Variants in RP1 observed in about 807,000 individuals in gnomAD.
RP1 encodes RP1 axonemal microtubule associated.
Under a neutral mutation model 14.8 loss-of-function variants are expected in RP1, and 16 were observed. That is an observed-to-expected ratio of 1.08 (90% CI 0.73 to 1.65). The LOEUF is 1.65. Ranked by LOEUF, RP1 falls within the 40% of genes most tolerant of loss-of-function variation. The pLI is 0.00. For synonymous variants in RP1, 876 were observed against 883.6 expected, an observed-to-expected ratio of 0.99 and a Z score of 0.15; for missense variants, 2,631 against 2,535.0, an observed-to-expected ratio of 1.04 and a Z score of -0.81.
chr8:54,602,390 T>C (rs1805313794), intron 1 of RP1, among the ~76,000 whole-genome samples: 1 of 152,240 alleles, frequency 6.6e-6, no homozygotes, highest in African/African-American at 2.4e-5. Flanking sequence ...GGCTGCATAG[T>C]ATTCCAAGGT....
chr8:54,701,402 C>CATAT, intron 13 of RP1: 1 of 1,100,820 alleles, frequency 9.1e-7, no homozygotes, highest in Non-Finnish European at 1.2e-6. Context: ...ATGAAGTAGA[C>CATAT]ACCTGTATAT....
intron 15 of RP1, among the ~76,000 whole-genome samples, chr8:54,710,918 C>A (rs1008927024): frequency 6.6e-6 from 1 of 152,134 alleles, no homozygotes; most frequent in Non-Finnish European, 1.5e-5. Flanking sequence ...CAGGAGAGAG[C>A]CGACACACAA....
At chr8:54,701,438 T>TG (rs1304832781) in intron 13 of RP1, 1 of 1,465,948 alleles carries the variant, frequency 6.8e-7, no homozygotes, top group East Asian at 2.5e-5. Flanking sequence ...ACATTAAATT[T>TG]TTTTTTTCTG....
At chr8:54,666,870 G>T (rs1807030332) in intron 7 of RP1, among the ~76,000 whole-genome samples, 1 of 152,034 alleles carries the variant, frequency 6.6e-6, no homozygotes, top group African/African-American at 2.4e-5. Flanking sequence ...GGCAGTTGAT[G>T]TAGGAGCCAA....
chr8:54,715,843 T>G, intron 15 of RP1, among the ~76,000 whole-genome samples: 1 of 152,158 alleles, frequency 6.6e-6, no homozygotes, highest in East Asian at 1.9e-4. Context: ...TACTAAGACA[T>G]GCTCCCTGCT....
intron 8 of RP1, among the ~76,000 whole-genome samples, chr8:54,678,196 A>G (rs1807340256): frequency 6.6e-6 from 1 of 152,142 alleles, no homozygotes; most frequent in African/African-American, 2.4e-5. Context: ...GAATTGTTCT[A>G]TTTTCAATTG....
In RP1 at chr8:54,587,132, G is replaced by A. The variant is rs557782856; in HGVS notation, c.-13+27812G>A. ...GGAGCTGTTCCTATTCGGCCATCTT[G>A]TCTCCACCCCTCAGGACTTGAATTC... On this transcript the variant is annotated intron_variant, in intron 1 of 22. Coordinates refer to the RP1 transcript ENST00000636932. 1.2e-3 allele frequency among the ~76,000 whole-genome samples: 187 copies of A among 152,326 alleles called. 2 individuals carry two copies. The highest frequency in any genetic ancestry group is 2.4e-3 in the Non-Finnish European group (166 of 68,038).
chr8:54,717,681 A>G (rs1251791986), intron 15 of RP1, among the ~76,000 whole-genome samples: 1 of 152,158 alleles, frequency 6.6e-6, no homozygotes, highest in Non-Finnish European at 1.5e-5. Context: ...TTTCTTTAAG[A>G]TCAAGAACAA....
chr8:54,840,786 T>C (rs553897692), intron 25 of RP1, among the ~76,000 whole-genome samples: 1 of 152,208 alleles, frequency 6.6e-6, no homozygotes, highest in East Asian at 1.9e-4. Context: ...CTTTATCCAT[T>C]AGCATTTCCC....
intron 1 of RP1, among the ~76,000 whole-genome samples, chr8:54,601,740 A>G (rs191722785): frequency 3.6e-4 from 55 of 152,328 alleles, no homozygotes; most frequent in Admixed American, 1.2e-3. Context: ...ACAATAAAAT[A>G]TTTGAAAATA....
intron 7 of RP1, among the ~76,000 whole-genome samples, chr8:54,670,451 A>C (rs1807128698): frequency 6.7e-6 from 1 of 148,366 alleles, no homozygotes; most frequent in Non-Finnish European, 1.5e-5. Context: ...GGATACATAC[A>C]TATACACGTA....
chr8:54,625,545 C>A lies in RP1; in HGVS notation c.1663C>A (p.Gln555Lys). ...ISAGVIEITSQKMLEMSHNNG... is the reference protein window; with the variant it reads ...ISAGVIEITSKKMLEMSHNNG... ...TGCTGGTGTTATAGAAATTACAAGT[C>A]AGAAGATGTTAGAGATGTCACATAA... Residue 555 changes from glutamine to lysine, a missense_variant, in exon 4 of 4, where the codon CAG (glutamine) becomes AAG (lysine). Coordinates refer to ENST00000220676, the MANE Select transcript of RP1 (RefSeq NM_006269.2). 1 of 1,613,964 alleles carries A rather than the reference C, an allele frequency of 6.2e-7. No homozygotes were observed. The highest frequency in any genetic ancestry group is 1.1e-5 in the South Asian group (1 of 91,034).
chr8:54,823,365 C>T (rs1392290111), intron 24 of RP1, among the ~76,000 whole-genome samples: 1 of 152,188 alleles, frequency 6.6e-6, no homozygotes, highest in Non-Finnish European at 1.5e-5. Flanking sequence ...GAGTCTCCCT[C>T]TGTTGCCCAG....
intron 12 of RP1, among the ~76,000 whole-genome samples, chr8:54,691,389 G>T (rs997164276): frequency 1.1e-4 from 17 of 152,024 alleles, no homozygotes; most frequent in African/African-American, 3.9e-4. Context: ...ACTAACTGAA[G>T]AAATAAATCT....
At position 54,844,824 on chromosome 8, in the gene RP1, T is replaced by C. The variant is rs138989436; in HGVS notation, c.3835+7155T>C. Among the ~76,000 whole-genome samples the C allele has an allele frequency of 4.6e-4, 70 of 152,262 alleles. 1 individual carries two copies. The East Asian group carries it at 0.012, about 25-fold the overall frequency. On this transcript the variant is annotated intron_variant, in intron 25 of 28. Coordinates refer to the RP1 transcript ENST00000637698. ...ATATTTCCCGAGCAGATTGAGGAGATTGAGAAATCTTGGATAGTTTGGATG... is the reference window on the plus strand; with the variant it reads ...ATATTTCCCGAGCAGATTGAGGAGACTGAGAAATCTTGGATAGTTTGGATG...
At chr8:54,748,569 G>T (rs1375805854) in intron 19 of RP1, among the ~76,000 whole-genome samples, 5 of 152,174 alleles carry the variant, frequency 3.3e-5, no homozygotes, top group African/African-American at 1.2e-4. Context: ...GAGAAATAAG[G>T]ATATTTAGAG....
chr8:54,854,270 A>T (rs900717693), intron 26 of RP1, among the ~76,000 whole-genome samples: 1 of 152,224 alleles, frequency 6.6e-6, no homozygotes, highest in Non-Finnish European at 1.5e-5. Flanking sequence ...AAATTAAGGT[A>T]ATTAAGACAG....
chr8:54,604,227 A>C (rs2129306349), intron 1 of RP1, among the ~76,000 whole-genome samples: 1 of 152,264 alleles, frequency 6.6e-6, no homozygotes, highest in South Asian at 2.1e-4. Flanking sequence ...TACCTAATTT[A>C]TTGAGAGTTT....
At chr8:54,782,218 G>A (rs1448392874) in intron 23 of RP1, among the ~76,000 whole-genome samples, 7 of 152,230 alleles carry the variant, frequency 4.6e-5, no homozygotes, top group African/African-American at 7.2e-5. Flanking sequence ...GGCTGGCTGC[G>A]GGGTAGAAGT....
Sources: gnomAD v4.1 joint callset for allele counts (sites outside exome capture counted in the v4.1 genomes callset) on GRCh38, gnomAD v4.1.1 for gene constraint, MANE v1.5 for transcripts, NCBI Gene and HGNC (gene_info 2026-07-23, HGNC 2026-07-21) for gene names.